The following BTRC variants were observed in gnomAD, a reference collection of about 807,000 sequenced individuals.
BTRC encodes the protein beta-transducin repeat containing E3 ubiquitin protein ligase.
Under a neutral mutation model 85.5 loss-of-function variants are expected in BTRC, and 42 were observed. The ratio of observed to expected loss-of-function variants is 0.49; its 90% CI spans 0.38 to 0.64. BTRC has a LOEUF of 0.64. Among genes scored for constraint, BTRC ranks in the 30% least tolerant of loss-of-function variants. The pLI, the probability that BTRC is intolerant of heterozygous loss-of-function variation, is 0.00. For missense variants in BTRC, 594 were observed against 743.5 expected (o/e 0.80, Z 2.34); for synonymous variants, 255 against 263.3 (o/e 0.97, Z 0.30).
intron 1 of BTRC, among the ~76,000 whole-genome samples, chr10:101,408,081 G>T (rs1943677621): frequency 6.6e-6 from 1 of 151,952 alleles, no homozygotes; most frequent in Admixed American, 6.6e-5. Context: ...TCACTTTTTT[G>T]TATTAAGTTT....
chr10:101,539,051 A>C (rs1296984310), intron 13 of BTRC, among the ~76,000 whole-genome samples: 1 of 82,558 alleles, frequency 1.2e-5, no homozygotes, highest in Non-Finnish European at 3.4e-5. Context: ...CTCTGTCTTA[A>C]AAAAAAAAAA....
Position 101,397,056 on chromosome 10 carries a change from G to A in BTRC, c.49-33289G>A, listed in dbSNP as rs111734903. 3.9e-3 allele frequency among the ~76,000 whole-genome samples: 593 copies of A among 152,176 alleles called. 6 individuals carry two copies. Among genetic ancestry groups the A allele is most frequent in the African/African-American group, 0.013 (551 of 41,504 alleles). On this transcript the variant is annotated intron_variant, in intron 1 of 14. Coordinates refer to ENST00000370187, the MANE Select transcript of BTRC (RefSeq NM_033637.4). The stretch of plus-strand genomic sequence containing the variant: ...TGACCACAGGTGATCCACTCGCCTC[G>A]GCCTCCCAAAGTGCTGAGATTACAG...
At chr10:101,435,221 T>C (rs113009977) in intron 2 of BTRC, among the ~76,000 whole-genome samples, 1,551 of 152,300 alleles carry the variant, frequency 0.01, 8 homozygotes, top group Non-Finnish European at 0.017. Flanking sequence ...TTAGGTAAAA[T>C]TTACATACAG....
chr10:101,467,582 C>A (rs575844672), intron 3 of BTRC, among the ~76,000 whole-genome samples: 4 of 151,756 alleles, frequency 2.6e-5, no homozygotes, highest in Non-Finnish European at 4.4e-5. Flanking sequence ...TAAATACTTT[C>A]GTTTGGGGTT....
intron 6 of BTRC, among the ~76,000 whole-genome samples, chr10:101,530,162 AG>A: frequency 6.6e-6 from 1 of 152,232 alleles, no homozygotes; most frequent in East Asian, 1.9e-4. Flanking sequence ...CACTGGAATC[AG>A]GGAAGGCAGT....
chr10:101,442,370 A>G (rs1944710901), intron 2 of BTRC, among the ~76,000 whole-genome samples: 1 of 150,442 alleles, frequency 6.6e-6, no homozygotes, highest in African/African-American at 2.5e-5. Flanking sequence ...GACATGACTG[A>G]TGGTGTGTAC....
rs771199777 is a variant in BTRC, at chr10:101,532,464, G to A, written c.978+32G>A. 2.5e-6 allele frequency: 4 copies of A among 1,569,096 alleles called. No individual in the cohort carries two copies. The Admixed American group carries it at 7.5e-5, about 29-fold the overall frequency. On this transcript the variant is annotated intron_variant, in intron 8 of 14. Coordinates refer to ENST00000370187, the MANE Select transcript of BTRC (RefSeq NM_033637.4). Reference sequence around the variant, plus strand: ...TCTATTCAGTTGTAGAAAGGTAGCAGAGGGAGCAAGAGTGACCACATTCAT... The same window carrying A: ...TCTATTCAGTTGTAGAAAGGTAGCAAAGGGAGCAAGAGTGACCACATTCAT...
At chr10:101,357,440 C>CAAAAAAA (rs11294551) in intron 1 of BTRC, among the ~76,000 whole-genome samples, 1 of 85,788 alleles carries the variant, frequency 1.2e-5, no homozygotes, top group African/African-American at 4.6e-5. Context: ...GACTCTGTCT[C>CAAAAAAA]AAAAAAAAAA....
intron 1 of BTRC, among the ~76,000 whole-genome samples, chr10:101,365,664 A>G (rs1942351484): frequency 2.0e-5 from 3 of 151,304 alleles, no homozygotes; most frequent in Admixed American, 1.3e-4. Flanking sequence ...TTTATTAGAG[A>G]CAGGGTTTCA....
At chr10:101,480,975 T>C (rs1010685109) in intron 4 of BTRC, among the ~76,000 whole-genome samples, 14 of 152,226 alleles carry the variant, frequency 9.2e-5, no homozygotes, top group African/African-American at 3.4e-4. Context: ...TAGAGTGCAA[T>C]GGCACTAATC....
intron 2 of BTRC, among the ~76,000 whole-genome samples, chr10:101,433,495 G>A (rs953047362): frequency 6.6e-6 from 1 of 152,126 alleles, no homozygotes; most frequent in African/African-American, 2.4e-5. Context: ...AGGAGAAGGA[G>A]GACATTTCAG....
At chr10:101,532,791 C>T (rs45446296) in intron 8 of BTRC, among the ~76,000 whole-genome samples, 161 bp from the exon 9 acceptor site, 620 of 29,156 alleles carry the variant, frequency 0.021, 9 homozygotes, top group South Asian at 0.093. Context: ...TGTGTGTGTG[C>T]GCGTGTGCGC....
At chr10:101,414,793 A>G in intron 1 of BTRC, 1 of 170,044 alleles carries the variant, frequency 5.9e-6, no homozygotes, top group Non-Finnish European at 1.2e-5. Context: ...TATATAATAT[A>G]TATTTTTTAA....
intron 3 of BTRC, among the ~76,000 whole-genome samples, chr10:101,472,755 C>T (rs1475055574): frequency 6.6e-6 from 1 of 152,098 alleles, no homozygotes; most frequent in African/African-American, 2.4e-5. Flanking sequence ...ACGGAGGTTG[C>T]GGTGAAATAA....
At chr10:101,541,324 ATCTCAGCGCACTGCAAGCTCT>A (rs1031301077) in intron 13 of BTRC, among the ~76,000 whole-genome samples, 6 of 150,806 alleles carry the variant, frequency 4.0e-5, no homozygotes, top group African/African-American at 1.5e-4. Flanking sequence ...CAGTGGCGCG[ATCTCAGCGCACTGCAAGCTCT>A]GCCTCCTGGG....
intron 1 of BTRC, among the ~76,000 whole-genome samples, chr10:101,357,519 C>A (rs1942076865): frequency 6.6e-6 from 1 of 151,400 alleles, no homozygotes; most frequent in Admixed American, 6.6e-5. Flanking sequence ...GAAGAACTAT[C>A]CTTTTAATCA....
intron 4 of BTRC, among the ~76,000 whole-genome samples, chr10:101,513,450 A>G (rs1323735377): frequency 1.3e-5 from 2 of 152,174 alleles, no homozygotes; most frequent in African/African-American, 4.8e-5. Flanking sequence ...TCCCATCTCT[A>G]CATCCAGCCT....
chr10:101,524,535 CA>C (rs2062162886), intron 5 of BTRC, among the ~76,000 whole-genome samples: 1 of 152,090 alleles, frequency 6.6e-6, no homozygotes, highest in African/African-American at 2.4e-5. Context: ...CAAACTACTT[CA>C]AAAAGTGCCT....
At chr10:101,417,552 G>T (rs1564759521) in intron 1 of BTRC, among the ~76,000 whole-genome samples, 1 of 151,900 alleles carries the variant, frequency 6.6e-6, no homozygotes, top group Non-Finnish European at 1.5e-5. Context: ...AAGATATCAG[G>T]GTTTTTTTCC....
Sources: gnomAD v4.1 joint callset for allele counts (sites outside exome capture counted in the v4.1 genomes callset) on GRCh38, gnomAD v4.1.1 for gene constraint, MANE v1.5 for transcripts, NCBI Gene and HGNC (gene_info 2026-07-23, HGNC 2026-07-21) for gene names.